SERPINF1: variants seen among roughly 807,000 people sequenced by gnomAD.
SERPINF1 encodes the protein serpin family F member 1.
Under a neutral mutation model 37.3 loss-of-function variants are expected in SERPINF1, and 29 were observed. The ratio of observed to expected loss-of-function variants is 0.78; its 90% confidence interval spans 0.58 to 1.06. SERPINF1 has a LOEUF of 1.06. Among genes scored for constraint, SERPINF1 ranks in the 50% least tolerant of loss-of-function variants. SERPINF1 has a pLI of 0.00. For missense variants in SERPINF1, 553 were observed against 532.2 expected (o/e 1.04, Z -0.38); for synonymous variants, 281 against 227.9 (o/e 1.23, Z -2.10).
At chr17:1,770,994 G>A (rs1463973216) in intron 3 of SERPINF1, 35 bp from the exon 4 acceptor site, 8 of 1,613,438 alleles carry the variant, frequency 5.0e-6, no homozygotes, top group Non-Finnish European at 6.8e-6. Context: ...GCCCTGGTGT[G>A]CAGTTATCAA....
In SERPINF1 at chr17:1,777,556, T is replaced by C. The variant is rs1052002560; in HGVS notation, c.*110T>C. ...TTTCAATGCATACAATAAAAGAGCT[T>C]TATCCCTAACTTCTGTTACTTCGTT... On this transcript the variant is annotated 3_prime_UTR_variant, in exon 8 of 8. Transcript: ENST00000254722. 3 of 1,362,050 alleles carry C rather than the reference T, an allele frequency of 2.2e-6. No individual in the cohort carries two copies. The highest frequency in any genetic ancestry group is 3.1e-6 in the Non-Finnish European group (3 of 963,284). 84.4% of individuals were successfully genotyped at this position (1,362,050 alleles called of 1,614,324 possible).
Position 1,771,204 on chromosome 17 carries a change from C to G in SERPINF1, c.439+20C>G, listed in dbSNP as rs763716703. 6 of 1,611,994 alleles carry G rather than the reference C, an allele frequency of 3.7e-6. No individual in the cohort carries two copies. Among genetic ancestry groups the G allele is most frequent in the South Asian group, 2.2e-5 (2 of 90,952 alleles). Reference sequence around the variant, plus strand: ...AGAAGAGTGAGTCGCCTTTGCAGCCCAAGTTGCCTGAGGCATGTGGGCTCC... The same window carrying G: ...AGAAGAGTGAGTCGCCTTTGCAGCCGAAGTTGCCTGAGGCATGTGGGCTCC... On this transcript the variant is annotated intron_variant, in intron 4 of 7. Transcript: ENST00000254722.
intron 3 of SERPINF1, chr17:1,770,648 C>CG: frequency 3.5e-6 from 1 of 289,250 alleles, no homozygotes; most frequent in Non-Finnish European, 6.8e-6. Context: ...TTAGTAGAGA[C>CG]GGGGTTTCAC....
In SERPINF1 at chr17:1,768,909, G is replaced by A. The variant is rs1445557079; in HGVS notation, c.85-943G>A. ...CAACCTCTGCCTCCTGGGTTCAAGCGAATCTCGTGCCTCAGCCTCCTGAGT... is the reference window on the plus strand; with the variant it reads ...CAACCTCTGCCTCCTGGGTTCAAGCAAATCTCGTGCCTCAGCCTCCTGAGT... On this transcript the variant is annotated intron_variant, in intron 2 of 7. Transcript: ENST00000254722. Among the ~76,000 whole-genome samples, 26 of 151,596 alleles carry A rather than the reference G, an allele frequency of 1.7e-4. No homozygotes were observed. In the East Asian group the frequency reaches 4.8e-3, roughly 28 times the overall value.
At position 1,776,672 on chromosome 17, in the gene SERPINF1, G is replaced by C; in HGVS notation, c.927G>C (p.Gln309His). 2 of 1,613,590 alleles carry C rather than the reference G, an allele frequency of 1.2e-6. No homozygotes were observed. The highest frequency in any genetic ancestry group is 8.5e-7 in the Non-Finnish European group (1 of 1,179,734). Reference protein sequence around the residue: ...HDIDRELKTVQAVLTVPKLKL... With the variant: ...HDIDRELKTVHAVLTVPKLKL... Reference sequence around the variant, plus strand: ...TAGACCGAGAACTGAAGACCGTGCAGGCGGTCCTCACTGTCCCCAAGCTGA... The same window carrying C: ...TAGACCGAGAACTGAAGACCGTGCACGCGGTCCTCACTGTCCCCAAGCTGA... Residue 309 changes from glutamine to histidine, a missense_variant, in exon 7 of 8, where the codon CAG becomes CAC. Physicochemically the swap from Gln to His is conservative, Grantham distance 24. Transcript: ENST00000254722.
chr17:1,770,904 G>C, intron 3 of SERPINF1, 125 bp from the exon 4 acceptor site: 2 of 1,219,784 alleles, frequency 1.6e-6, no homozygotes, highest in South Asian at 1.2e-5. Context: ...AGATTGTCTT[G>C]AAGATCAGCC....
At chr17:1,763,257 C>T (rs190897542) in intron 1 of SERPINF1, among the ~76,000 whole-genome samples, 56 of 152,286 alleles carry the variant, frequency 3.7e-4, no homozygotes, top group African/African-American at 7.9e-4. Context: ...GCGGTGGAGG[C>T]TGTTTGTCTC....
chr17:1,771,819 G>T (rs964273232), intron 4 of SERPINF1, 53 bp from the exon 5 acceptor site: 1 of 1,561,094 alleles, frequency 6.4e-7, no homozygotes, highest in East Asian at 2.2e-5. Flanking sequence ...TCTCAAAGAC[G>T]GGATGCTTGT....
At chr17:1,767,369 C>T (rs1210653727) in intron 2 of SERPINF1, among the ~76,000 whole-genome samples, 2 of 152,220 alleles carry the variant, frequency 1.3e-5, no homozygotes, top group Non-Finnish European at 2.9e-5. Context: ...CTCGAACTCC[C>T]GACCTCAAGT....
chr17:1,764,656 AT>A (rs970162635), intron 1 of SERPINF1, among the ~76,000 whole-genome samples: 2 of 152,170 alleles, frequency 1.3e-5, no homozygotes, highest in Non-Finnish European at 2.9e-5. Context: ...ATCTGATTTA[AT>A]TTGAAGGACG....
At chr17:1,767,348 G>A (rs181226759) in intron 2 of SERPINF1, among the ~76,000 whole-genome samples, 14 of 152,268 alleles carry the variant, frequency 9.2e-5, no homozygotes, top group Non-Finnish European at 1.8e-4. Flanking sequence ...CTCCATGTTG[G>A]TCAGGCTGGT....
intron 5 of SERPINF1, 50 bp from the exon 6 acceptor site, chr17:1,775,008 T>G (rs752024215): frequency 6.2e-7 from 1 of 1,613,230 alleles, no homozygotes; most frequent in South Asian, 1.1e-5. Context: ...ATGGCGCCAC[T>G]GTCTTTCTGG....
At chr17:1,766,255 T>G (rs1191508994) in intron 1 of SERPINF1, 1 of 152,288 alleles carries the variant, frequency 6.6e-6, no homozygotes, top group Non-Finnish European at 1.5e-5. Context: ...TCTGGATCTT[T>G]AAAAGCTATT....
intron 2 of SERPINF1, among the ~76,000 whole-genome samples, chr17:1,769,454 C>G (rs1036878432): frequency 6.6e-6 from 1 of 150,588 alleles, no homozygotes; most frequent in Non-Finnish European, 1.5e-5. Flanking sequence ...TTATAGGTCA[C>G]AAGTGTTTAA....
chr17:1,767,041 C>G (rs1373821662), intron 2 of SERPINF1, 47 bp downstream of exon 2: 1 of 1,497,082 alleles, frequency 6.7e-7, no homozygotes, highest in East Asian at 2.5e-5. Context: ...CCCGCCCCTC[C>G]TTGGCAGGCA....
At chr17:1,776,434 G>A (rs2151212652) in intron 6 of SERPINF1, 98 bp from the exon 7 acceptor site, 1 of 1,054,562 alleles carries the variant, frequency 9.5e-7, no homozygotes, top group Admixed American at 1.7e-5. Context: ...GACGAGACCA[G>A]GGCCCCGTCA....
intron 7 of SERPINF1, among the ~76,000 whole-genome samples, chr17:1,776,957 G>A (rs1167518405): frequency 6.6e-6 from 1 of 151,078 alleles, no homozygotes; most frequent in Non-Finnish European, 1.5e-5. Flanking sequence ...CCTGACAGGC[G>A]CTCACAACAC....
intron 5 of SERPINF1, among the ~76,000 whole-genome samples, chr17:1,773,648 G>T (rs1907870914): frequency 6.6e-6 from 1 of 152,224 alleles, no homozygotes. Context: ...TTTAACGTGA[G>T]GATAATATAT....
At chr17:1,766,861 T>TAGCGGGGAGA (rs772921176) in intron 1 of SERPINF1, 42 bp from the exon 2 acceptor site, 16 of 1,528,000 alleles carry the variant, frequency 1.0e-5, no homozygotes, top group Middle Eastern at 3.5e-4. Context: ...GGCAGTGCAG[T>TAGCGGGGAGA]GTCGGGGGAG....
Sources: allele counts gnomAD v4.1 joint callset (sites outside exome capture counted in the v4.1 genomes callset), GRCh38; gene constraint gnomAD v4.1.1; transcripts MANE v1.5; gene names NCBI Gene and HGNC (gene_info 2026-07-23, HGNC 2026-07-21).